The following MCF2 variants were observed in gnomAD, a reference collection of about 807,000 sequenced individuals.
MCF2 encodes MCF.2 cell line derived transforming sequence.
MCF2 carries 44 observed loss-of-function variants against 82.5 expected under a neutral mutation model. That is an observed-to-expected ratio of 0.53 (90% CI 0.42 to 0.69). MCF2 has a LOEUF of 0.69. Ranked by LOEUF, MCF2 falls within the 30% of genes least tolerant of loss-of-function variation. The pLI, the probability that MCF2 is intolerant of heterozygous loss-of-function variation, is 0.00. For missense variants in MCF2, 623 were observed against 663.1 expected (o/e 0.94, Z 0.66); for synonymous variants, 217 against 224.9 (o/e 0.96, Z 0.32).
intron 1 of MCF2, among the ~76,000 whole-genome samples, chrX:139,668,076 C>A (rs1480635065): frequency 8.9e-6 from 1 of 111,852 alleles, no homozygotes; most frequent in Non-Finnish European, 1.9e-5. Context: ...AGCTTAGTCC[C>A]AGTGGTCCTC....
intron 9 of MCF2, among the ~76,000 whole-genome samples, chrX:139,616,022 T>C (rs925533363): frequency 9.0e-6 from 1 of 111,693 alleles, no homozygotes; most frequent in African/African-American, 3.2e-5. Flanking sequence ...CAACAAAATA[T>C]GTGTGAGAAC....
At chrX:139,651,648 A>G in intron 2 of MCF2, 72 bp downstream of exon 2, 1 of 598,234 alleles carries the variant, frequency 1.7e-6, no homozygotes, top group Non-Finnish European at 2.7e-6. Context: ...AGCTATTTAT[A>G]TAATAGGTAC....
upstream of MCF2, among the ~76,000 whole-genome samples, chrX:139,645,812 A>G (rs1306884098): frequency 8.9e-6 from 1 of 112,137 alleles, no homozygotes; most frequent in Non-Finnish European, 1.9e-5. Flanking sequence ...CCTATCTTAG[A>G]AAACTAATCT....
At chrX:139,694,869 C>T (rs1456246160) in intron 1 of MCF2, among the ~76,000 whole-genome samples, 3 of 109,110 alleles carry the variant, frequency 2.7e-5, no homozygotes, top group Non-Finnish European at 5.7e-5. Context: ...GATTGTTAAG[C>T]ATATCAGTTA....
In MCF2 at chrX:139,588,215, C is replaced by T. The variant is rs1488959125; in HGVS notation, c.2449+145G>A. On this transcript the variant is annotated intron_variant, in intron 21 of 24. Coordinates refer to ENST00000370576, the Ensembl canonical transcript of MCF2. The stretch of plus-strand genomic sequence containing the variant: ...TTTAAACAATCCTCTGAATCTCAAT[C>T]TCCTACTAATTAAATTAACAAATCT... The T allele has an allele frequency of 3.7e-5, 16 of 435,179 alleles. No individual in the cohort carries two copies. In the Admixed American group the frequency reaches 6.7e-4, roughly 18 times the overall value. 35.9% of individuals were successfully genotyped at this position (435,179 alleles called of 1,213,427 possible).
At chrX:139,701,350 C>T (rs1290160982) in intron 1 of MCF2, among the ~76,000 whole-genome samples, 1 of 112,099 alleles carries the variant, frequency 8.9e-6, no homozygotes, top group Non-Finnish European at 1.9e-5. Context: ...ATCAATCAAA[C>T]ACTAATCTGG....
intron 6 of MCF2, among the ~76,000 whole-genome samples, chrX:139,620,684 C>T (rs1024924751): frequency 1.8e-5 from 2 of 110,907 alleles, no homozygotes; most frequent in Admixed American, 1.9e-4. Context: ...TATAAGGAGA[C>T]CTACAAAACA....
intron 1 of MCF2, among the ~76,000 whole-genome samples, chrX:139,637,160 C>A (rs764883080): frequency 1.8e-5 from 2 of 111,722 alleles, no homozygotes; most frequent in South Asian, 3.8e-4. Flanking sequence ...CTTCCTAGAG[C>A]ACATGGATTC....
chrX:139,649,299 G>T, intron 2 of MCF2, among the ~76,000 whole-genome samples: 1 of 111,555 alleles, frequency 9.0e-6, no homozygotes, highest in Admixed American at 9.5e-5. Context: ...GAGAATAATG[G>T]CATCCACTGA....
At chrX:139,695,032 C>CTTT (rs200562872) in intron 1 of MCF2, among the ~76,000 whole-genome samples, 1 of 94,906 alleles carries the variant, frequency 1.1e-5, no homozygotes. Flanking sequence ...TGTATTCTTT[C>CTTT]TTTTTTTTTT....
At chrX:139,694,776 A>T (rs938107990) in intron 1 of MCF2, among the ~76,000 whole-genome samples, 20 of 111,058 alleles carry the variant, frequency 1.8e-4, no homozygotes, top group Non-Finnish European at 3.6e-4. Context: ...ATAATAAATT[A>T]TGATACATCC....
chrX:139,651,593 T>C, intron 2 of MCF2, 127 bp downstream of exon 2: 1 of 380,908 alleles, frequency 2.6e-6, no homozygotes, highest in South Asian at 7.5e-5. Context: ...ATTGAAATAG[T>C]GCTTCTCAAA....
intron 2 of MCF2, 31 bp downstream of exon 2, chrX:139,651,689 A>G (rs6635898): frequency 0.2 from 190,931 of 974,857 alleles, 13,669 homozygotes; most frequent in Admixed American, 0.3. Flanking sequence ...TCATATATCT[A>G]TCTGGACTAT....
intron 1 of MCF2, among the ~76,000 whole-genome samples, chrX:139,686,754 T>G (rs1392721922): frequency 9.0e-6 from 1 of 111,613 alleles, no homozygotes; most frequent in Non-Finnish European, 1.9e-5. Flanking sequence ...ATCCAGAATC[T>G]ATTTGATCAC....
At chrX:139,666,024 T>C (rs1934510407) in intron 1 of MCF2, among the ~76,000 whole-genome samples, 1 of 103,662 alleles carries the variant, frequency 9.6e-6, no homozygotes, top group Admixed American at 1.1e-4. Context: ...GATATTTTGA[T>C]ACAGGCATAC....
intron 4 of MCF2, among the ~76,000 whole-genome samples, chrX:139,629,206 C>A (rs1932840761): frequency 8.9e-6 from 1 of 111,980 alleles, no homozygotes; most frequent in Non-Finnish European, 1.9e-5. Context: ...TCCTAAGCTA[C>A]AAACCTGTAC....
At chrX:139,665,633 G>C (rs746861594) in intron 1 of MCF2, among the ~76,000 whole-genome samples, 3 of 109,571 alleles carry the variant, frequency 2.7e-5, no homozygotes, top group Admixed American at 2.0e-4. Context: ...GTTTCAACCT[G>C]GTATTATGAA....
intron 2 of MCF2, among the ~76,000 whole-genome samples, chrX:139,650,450 G>C (rs899775081): frequency 8.9e-6 from 1 of 111,952 alleles, no homozygotes; most frequent in Non-Finnish European, 1.9e-5. Flanking sequence ...AACTGAGCAT[G>C]TGAGTGCCAT....
At chrX:139,588,432 T>C (rs1242394033) in exon 21 of MCF2, 3 of 1,177,075 alleles carry the variant, frequency 2.5e-6, no homozygotes, top group Non-Finnish European at 3.5e-6. Flanking sequence ...ACATCTACAT[T>C]AGAAGCCTAA....
Sources: allele counts gnomAD v4.1 joint callset (sites outside exome capture counted in the v4.1 genomes callset), GRCh38; gene constraint gnomAD v4.1.1; transcripts MANE v1.5; gene names NCBI Gene and HGNC (gene_info 2026-07-23, HGNC 2026-07-21).